The following CACNA1E variants were observed in gnomAD, a reference collection of about 807,000 sequenced individuals.
CACNA1E encodes the protein calcium voltage-gated channel subunit alpha1 E, also known as voltage-dependent R-type calcium channel subunit alpha-1E.
In CACNA1E, 40 loss-of-function variants were observed where a neutral mutation model predicts 259.2. The observed-to-expected ratio is 0.15, with a 90% CI of 0.12 to 0.20. The LOEUF is 0.20. Among genes scored for constraint, CACNA1E ranks in the 10% least tolerant of loss-of-function variants. The pLI is 1.00. For missense variants in CACNA1E, 1,874 were observed against 3,040.1 expected (o/e 0.62, Z 9.02); for synonymous variants, 1,104 against 1,138.5 (o/e 0.97, Z 0.61).
At chr1:181,481,786 C>T (rs1663267996), upstream of CACNA1E, among the ~76,000 whole-genome samples, 1 of 151,774 alleles carries the variant, frequency 6.6e-6, no homozygotes, top group South Asian at 2.1e-4. Context: ...TTCCCTGGGG[C>T]TTGGAGTCCA....
In CACNA1E at chr1:181,742,104, G is replaced by A. The variant is rs575348956; in HGVS notation, c.3719+2851G>A. On this transcript the variant is annotated intron_variant, in intron 25 of 47. Transcript: ENST00000367573. The stretch of plus-strand genomic sequence containing the variant: ...TCCCACTCCCCCTCCTTTGGCCTTC[G>A]TCACATTTGCTGAGGGAGGTCCAGG... Among the ~76,000 whole-genome samples the A allele has an allele frequency of 2.0e-4, 30 of 152,040 alleles. No homozygotes were observed. The South Asian group carries it at 4.2e-3, about 21-fold the overall frequency.
rs147397879 is a variant in CACNA1E, at chr1:181,735,825, G to C, written c.3263-450G>C. On this transcript the variant is annotated intron_variant, in intron 21 of 47. Coordinates refer to ENST00000367573, the MANE Select transcript of CACNA1E (RefSeq NM_001205293.3). ...TGACCTTAGGAATGGTACTTAAATT[G>C]CTAGAACTTTAGTTTTCCCATCTGT... is the stretch of plus-strand genomic sequence containing the variant. Among the ~76,000 whole-genome samples, 1,214 of 152,222 alleles carry C rather than the reference G, an allele frequency of 8.0e-3. 10 individuals are homozygous for C. The highest frequency in any genetic ancestry group is 0.013 in the Non-Finnish European group (915 of 68,016).
At chr1:181,522,463 T>C (rs984914389) in intron 3 of CACNA1E, among the ~76,000 whole-genome samples, 6 of 152,204 alleles carry the variant, frequency 3.9e-5, no homozygotes, top group Non-Finnish European at 7.3e-5. Flanking sequence ...ATGATTATTA[T>C]GATTTTTATT....
At chr1:181,426,199 C>G (rs764583830) in intron 2 of CACNA1E, among the ~76,000 whole-genome samples, 2 of 151,842 alleles carry the variant, frequency 1.3e-5, no homozygotes, top group Admixed American at 6.6e-5. Context: ...TCCATCTCAA[C>G]AATTCCCCAA....
chr1:181,784,653 T>C lies in CACNA1E; in HGVS notation c.5471-8T>C. 1.9e-6 allele frequency: 3 copies of C among 1,546,032 alleles called. No homozygotes were observed. The highest frequency in any genetic ancestry group is 2.6e-6 in the Non-Finnish European group (3 of 1,139,300). On this transcript the variant is annotated splice_region_variant and splice_polypyrimidine_tract_variant and intron_variant, in intron 40 of 47. Transcript: ENST00000367573. ...TATTCTATTTATTAGTAATTTATCTTATTCTAGGTGGTGCAGACAGGCAGC... is the reference window on the plus strand; with the variant it reads ...TATTCTATTTATTAGTAATTTATCTCATTCTAGGTGGTGCAGACAGGCAGC...
chr1:181,451,861 A>T (rs1661177631), intron 2 of CACNA1E, among the ~76,000 whole-genome samples: 1 of 152,188 alleles, frequency 6.6e-6, no homozygotes, highest in Non-Finnish European at 1.5e-5. Flanking sequence ...GTGGGGAGCC[A>T]ATAATGTATT....
intron 7 of CACNA1E, among the ~76,000 whole-genome samples, chr1:181,700,007 T>A (rs1295919996): frequency 6.6e-6 from 1 of 152,016 alleles, no homozygotes; most frequent in Admixed American, 6.6e-5. Context: ...GAGACAAAAA[T>A]TCGGTAGCTT....
chr1:181,625,689 C>T (rs1656134952), intron 6 of CACNA1E, among the ~76,000 whole-genome samples: 2 of 152,186 alleles, frequency 1.3e-5, no homozygotes, highest in South Asian at 2.1e-4. Context: ...ACCACTCAGA[C>T]GTTCTCTGTA....
chr1:181,454,313 T>G (rs1440449884), intron 2 of CACNA1E, among the ~76,000 whole-genome samples: 2 of 152,232 alleles, frequency 1.3e-5, no homozygotes, highest in Admixed American at 1.3e-4. Context: ...TGGACAAGAC[T>G]CTTAACCTTC....
intron 6 of CACNA1E, among the ~76,000 whole-genome samples, chr1:181,588,074 C>T (rs1186780633): frequency 1.3e-5 from 2 of 152,134 alleles, no homozygotes; most frequent in African/African-American, 2.4e-5. Context: ...GTGCATGTGC[C>T]GCACATGTGC....
chr1:181,639,189 G>A (rs949191093), intron 6 of CACNA1E, among the ~76,000 whole-genome samples: 30 of 151,788 alleles, frequency 2.0e-4, no homozygotes, highest in African/African-American at 5.1e-4. Flanking sequence ...CCAGGTTCAC[G>A]CCATTCTCCT....
At chr1:181,494,197 T>C (rs1664545386) in intron 1 of CACNA1E, among the ~76,000 whole-genome samples, 1 of 152,360 alleles carries the variant, frequency 6.6e-6, no homozygotes, top group Admixed American at 6.5e-5. Flanking sequence ...AATTTTAGTA[T>C]TGGTTTAAAA....
chr1:181,553,953 A>G (rs1648455428), intron 3 of CACNA1E, among the ~76,000 whole-genome samples: 1 of 152,156 alleles, frequency 6.6e-6, no homozygotes, highest in Non-Finnish European at 1.5e-5. Flanking sequence ...AGAGCCACAG[A>G]GAGGTAAAAT....
intron 3 of CACNA1E, among the ~76,000 whole-genome samples, chr1:181,558,465 G>T (rs991853370): frequency 6.6e-6 from 1 of 152,234 alleles, no homozygotes; most frequent in African/African-American, 2.4e-5. Flanking sequence ...TTATAAGATA[G>T]AAGACTGAGG....
intron 1 of CACNA1E, among the ~76,000 whole-genome samples, chr1:181,337,475 A>G (rs1168252380): frequency 2.0e-5 from 3 of 152,072 alleles, no homozygotes; most frequent in Admixed American, 6.5e-5. Context: ...TGTTCATCCT[A>G]TCTATATAGC....
chr1:181,345,278 T>C lies in CACNA1E; in HGVS notation c.-15+27155T>C, dbSNP rs7522951. Among the ~76,000 whole-genome samples, 920 of 152,364 alleles carry C rather than the reference T, an allele frequency of 6.0e-3. 9 individuals are homozygous for C. Among genetic ancestry groups the C allele is most frequent in the African/African-American group, 0.021 (878 of 41,584 alleles). On this transcript the variant is annotated intron_variant, in intron 1 of 11. Transcript: ENST00000524607. ...TGGAGTGCTGGTAGCTATTTGCTTG[T>C]AAAGCCTCCTAATAAGAGTGCCACA...
chr1:181,733,235 G>A (rs181926749), intron 20 of CACNA1E, among the ~76,000 whole-genome samples: 90 of 152,374 alleles, frequency 5.9e-4, no homozygotes, highest in Admixed American at 2.1e-3. Context: ...GAAGTGGGTC[G>A]TGGATAGAAG....
At chr1:181,574,382 A>G (rs1572253486) in intron 3 of CACNA1E, among the ~76,000 whole-genome samples, 1 of 152,194 alleles carries the variant, frequency 6.6e-6, no homozygotes, top group Non-Finnish European at 1.5e-5. Flanking sequence ...AAACACATGT[A>G]TGTTTGAATA....
chr1:181,563,964 T>G (rs1208893182), intron 3 of CACNA1E, among the ~76,000 whole-genome samples: 1 of 152,196 alleles, frequency 6.6e-6, no homozygotes, highest in Non-Finnish European at 1.5e-5. Flanking sequence ...TGAAAAACAA[T>G]GTACATCTCT....
Sources: gnomAD v4.1 joint callset for allele counts (sites outside exome capture counted in the v4.1 genomes callset) on GRCh38, gnomAD v4.1.1 for gene constraint, MANE v1.5 for transcripts, NCBI Gene and HGNC (gene_info 2026-07-23, HGNC 2026-07-21) for gene names.